The following HNRNPUL2 variants were observed in gnomAD, a reference collection of about 807,000 sequenced individuals.
The protein encoded by HNRNPUL2 is heterogeneous nuclear ribonucleoprotein U like 2.
A neutral mutation model predicts 102.2 loss-of-function variants in HNRNPUL2; 27 were observed. The observed-to-expected ratio is 0.26, with a 90% CI of 0.19 to 0.36. The LOEUF (loss-of-function observed/expected upper bound fraction) is 0.36. Ranked by LOEUF, HNRNPUL2 falls within the 10% of genes least tolerant of loss-of-function variation. The pLI is 1.00. For missense variants in HNRNPUL2, 936 were observed against 981.1 expected (o/e 0.95, Z 0.61); for synonymous variants, 458 against 387.2 (o/e 1.18, Z -2.15).
chr11:62,724,016 C>T, intron 2 of HNRNPUL2, 26 bp from the exon 3 acceptor site: 18 of 1,580,638 alleles, frequency 1.1e-5, no homozygotes, highest in Non-Finnish European at 1.6e-5. Flanking sequence ...AGAAAAGAAA[C>T]ACAATGTAAA....
Position 62,727,425 on chromosome 11 carries a change from C to T in HNRNPUL2, c.-269G>A, listed in dbSNP as rs1193225619. Reference sequence around the variant, plus strand: ...TGTTTCCCCTCCAGGCCCTTGGTTCCCCAGCCGCGGGCAGGCGCGCGCGGA... The same window carrying T: ...TGTTTCCCCTCCAGGCCCTTGGTTCTCCAGCCGCGGGCAGGCGCGCGCGGA... On this transcript the variant is annotated 5_prime_UTR_variant, in exon 1 of 14. Coordinates refer to ENST00000301785, the MANE Select transcript of HNRNPUL2 (RefSeq NM_001079559.3). 3.0e-6 allele frequency: 1 copy of T among 334,442 alleles called. No individual in the cohort carries two copies. Among genetic ancestry groups the T allele is most frequent in the East Asian group, 5.5e-5 (1 of 18,032 alleles). 20.7% of individuals were successfully genotyped at this position (334,442 alleles called of 1,614,324 possible). A position where few individuals can be genotyped will look rare whatever the true frequency, so the allele number is the denominator to read the frequency against.
rs199647392 is a variant in HNRNPUL2 at position 62,717,098 on chromosome 11, C to T, written c.1872G>A (p.Lys624=). 5.0e-6 allele frequency: 8 copies of T among 1,614,186 alleles called. No homozygotes were observed. The highest frequency in any genetic ancestry group is 1.6e-4 in the Middle Eastern group (1 of 6,062). Reference sequence around the variant, plus strand: ...GAAGCTTCCTTGCCTCCTCCTTGTACTTAGTGACAATGGGCTGAGCTTCCT... The same window carrying T: ...GAAGCTTCCTTGCCTCCTCCTTGTATTTAGTGACAATGGGCTGAGCTTCCT... ...EKEEAQPIVT[K]YKEEARKLLP... is the part of the protein sequence containing the mutation. The change falls in exon 11 of 14, where the codon AAG becomes AAA. Residue 624 remains lysine, a synonymous_variant. Transcript: ENST00000301785.
In HNRNPUL2 at chr11:62,720,107, C is replaced by T. The variant is rs772506887; in HGVS notation, c.1696G>A (p.Glu566Lys). Reference sequence around the variant, plus strand: ...TCCAGCCTCTTCTTCCAATCTTCCTCATTAGGGACAACCACCACCACTTTC... The same window carrying T: ...TCCAGCCTCTTCTTCCAATCTTCCTTATTAGGGACAACCACCACCACTTTC... The part of the protein sequence containing the change: ...SRKVVVVVPN[E>K]EDWKKRLELR... Residue 566 changes from glutamate to lysine, a missense_variant, in exon 10 of 14, where the codon GAG becomes AAG. Glu to Lys is a moderately conservative substitution (Grantham distance 56). Coordinates refer to ENST00000301785, the MANE Select transcript of HNRNPUL2 (RefSeq NM_001079559.3). 6.2e-7 allele frequency: 1 copy of T among 1,614,180 alleles called. No homozygotes were observed. Among genetic ancestry groups the T allele is most frequent in the Non-Finnish European group, 8.5e-7 (1 of 1,180,004 alleles).
chr11:62,718,864 T>C (rs886448598), intron 10 of HNRNPUL2, among the ~76,000 whole-genome samples: 5 of 151,854 alleles, frequency 3.3e-5, no homozygotes. Context: ...CTCACTCTGT[T>C]GTCCAGGCTG....
In HNRNPUL2 at chr11:62,726,681, T is replaced by G; in HGVS notation, c.476A>C (p.Glu159Ala). The G allele has an allele frequency of 6.2e-7, 1 of 1,600,054 alleles. No individual in the cohort carries two copies. Among genetic ancestry groups the G allele is most frequent in the Non-Finnish European group, 8.5e-7 (1 of 1,179,414 alleles). The change falls in exon 1 of 14, where the codon GAG becomes GCG. Residue 159 changes from glutamate (E) to alanine (A), a missense_variant. Glu to Ala is a moderately radical substitution (Grantham distance 107, BLOSUM62 -1). This residue lies in a region of HNRNPUL2 where 327 missense variants were observed against 268.1 expected (regional missense o/e 1.22). Transcript: ENST00000301785. ...TCCCGGCGTCTCGTCCCCGCTCCGCTCCTCGGGTTCGTCTTCCTCCCTCTT... is the reference window on the plus strand; with the variant it reads ...TCCCGGCGTCTCGTCCCCGCTCCGCGCCTCGGGTTCGTCTTCCTCCCTCTT... The part of the protein sequence containing the change: ...LGKREEDEPE[E>A]RSGDETPGSE...
chr11:62,727,249 T>G lies in HNRNPUL2; in HGVS notation c.-93A>C, dbSNP rs1028888271. 336 of 1,227,390 alleles carry G rather than the reference T, an allele frequency of 2.7e-4. No homozygotes were observed. Among genetic ancestry groups the G allele is most frequent in the African/African-American group, 3.3e-4 (21 of 63,020 alleles). 76.0% of individuals were successfully genotyped at this position (1,227,390 alleles called of 1,614,324 possible). A position where few individuals can be genotyped will look rare whatever the true frequency, so the allele number is the denominator to read the frequency against. On this transcript the variant is annotated 5_prime_UTR_variant, in exon 1 of 14. Coordinates refer to ENST00000301785, the MANE Select transcript of HNRNPUL2 (RefSeq NM_001079559.3). ...GCAGGCGCCGCCGCCGCCGCCCGCC[T>G]CCGCCTCACGCGCCAGCACTGAGCC...
intron 11 of HNRNPUL2, 91 bp downstream of exon 11, chr11:62,716,898 C>T (rs1176541390): frequency 7.5e-7 from 1 of 1,339,072 alleles, no homozygotes; most frequent in Non-Finnish European, 1.1e-6. Flanking sequence ...AATGACCTGA[C>T]TTGGTTTCCT....
In HNRNPUL2 at chr11:62,714,311, A is replaced by G. The variant is rs1362170040; in HGVS notation, c.*988T>C. On this transcript the variant is annotated 3_prime_UTR_variant, in exon 14 of 14. Coordinates refer to ENST00000301785, the MANE Select transcript of HNRNPUL2 (RefSeq NM_001079559.3). ...CTATATACATATCCCGCTGCAGTGAAAAGAATCCTGCTGTGTTTTCGTGTG... is the reference window on the plus strand; with the variant it reads ...CTATATACATATCCCGCTGCAGTGAGAAGAATCCTGCTGTGTTTTCGTGTG... 1 of 152,216 alleles carries G rather than the reference A, an allele frequency of 6.6e-6. No homozygotes were observed. The highest frequency in any genetic ancestry group is 2.4e-5 in the African/African-American group (1 of 41,448). The allele number at this position is 152,216 out of a possible 1,614,324, so 9.4% of individuals were successfully genotyped here. A position where few individuals can be genotyped will look rare whatever the true frequency, so the allele number is the denominator to read the frequency against.
intron 10 of HNRNPUL2, among the ~76,000 whole-genome samples, chr11:62,718,925 A>C (rs1206329822): frequency 2.0e-5 from 3 of 151,724 alleles, no homozygotes; most frequent in Non-Finnish European, 4.4e-5. Flanking sequence ...ACCTAGGTTC[A>C]AGCAATTCTC....
chr11:62,717,853 G>C (rs2083671821), intron 10 of HNRNPUL2, among the ~76,000 whole-genome samples: 1 of 152,216 alleles, frequency 6.6e-6, no homozygotes, highest in Non-Finnish European at 1.5e-5. Context: ...AAGGAGAAGA[G>C]AAGACAAGAG....
In HNRNPUL2 at chr11:62,726,642, C is replaced by A; in HGVS notation, c.515G>T (p.Gly172Val). The part of the protein sequence containing the change: ...GDETPGSEVP[G>V]DKAAEEQGDD... ...ACCCTGTTCCTCGGCGGCCTTGTCACCCGGCACCTCGGATCCCGGCGTCTC... is the reference window on the plus strand; with the variant it reads ...ACCCTGTTCCTCGGCGGCCTTGTCAACCGGCACCTCGGATCCCGGCGTCTC... The change falls in exon 1 of 14, where the codon GGT becomes GTT. Residue 172 changes from glycine (G) to valine (V), a missense_variant. Physicochemically the swap from Gly to Val is moderately radical, Grantham distance 109. This residue lies in a region of HNRNPUL2 where 327 missense variants were observed against 268.1 expected (regional missense o/e 1.22). Coordinates refer to ENST00000301785, the MANE Select transcript of HNRNPUL2 (RefSeq NM_001079559.3). 3 of 1,594,882 alleles carry A rather than the reference C, an allele frequency of 1.9e-6. No individual in the cohort carries two copies. The highest frequency in any genetic ancestry group is 2.5e-6 in the Non-Finnish European group (3 of 1,177,034).
Position 62,721,840 on chromosome 11 carries a change from T to C in HNRNPUL2, c.1462A>G (p.Thr488Ala). Residue 488 changes from threonine (T) to alanine (A), a missense_variant, in exon 8 of 14, where the codon ACT becomes GCT. Thr to Ala is a moderately conservative substitution (Grantham distance 58, BLOSUM62 0). Transcript: ENST00000301785. ...CTTACCCTCATTTGATTGAGCACAGTCTCAGCTCCCAGGACATTGTATCTT... is the reference window on the plus strand; with the variant it reads ...CTTACCCTCATTTGATTGAGCACAGCCTCAGCTCCCAGGACATTGTATCTT... ...EKRYNVLGAE[T>A]VLNQMRMKGL... The C allele has an allele frequency of 2.5e-6, 4 of 1,614,188 alleles. No homozygotes were observed. Among genetic ancestry groups the C allele is most frequent in the Non-Finnish European group, 3.4e-6 (4 of 1,180,018 alleles).
At chr11:62,723,432 G>A (rs555699400) in intron 4 of HNRNPUL2, among the ~76,000 whole-genome samples, 155 bp downstream of exon 4, 1 of 152,134 alleles carries the variant, frequency 6.6e-6, no homozygotes, top group Non-Finnish European at 1.5e-5. Context: ...CAGAGGCTGT[G>A]GTGAGCCGAG....
intron 9 of HNRNPUL2, among the ~76,000 whole-genome samples, chr11:62,720,500 C>T (rs377364641): frequency 3.4e-5 from 5 of 147,418 alleles, no homozygotes; most frequent in Non-Finnish European, 5.9e-5. Context: ...GCTGAGATCA[C>T]GCCACTGTAC....
intron 9 of HNRNPUL2, 45 bp from the exon 10 acceptor site, chr11:62,720,236 C>T (rs758932757): frequency 6.9e-6 from 11 of 1,585,722 alleles, no homozygotes; most frequent in South Asian, 2.2e-5. Context: ...AAAATTATCA[C>T]TCAGATTTAA....
Position 62,722,705 on chromosome 11 carries a change from C to T in HNRNPUL2, c.991G>A (p.Glu331Lys), listed in dbSNP as rs1407803214. The T allele has an allele frequency of 6.8e-6, 11 of 1,613,702 alleles. No homozygotes were observed. Among genetic ancestry groups the T allele is most frequent in the Non-Finnish European group, 9.3e-6 (11 of 1,179,592 alleles). Residue 331 changes from glutamate to lysine, a missense_variant, in exon 6 of 14, where the codon GAA becomes AAA. By Grantham distance (56) the Glu-to-Lys change is moderately conservative (BLOSUM62 1). Coordinates refer to ENST00000301785, the MANE Select transcript of HNRNPUL2 (RefSeq NM_001079559.3). ...CGTCCATCGAAACCGTAAGAGAATTCATCTTCACCTAGAACAGTCAACAAA... is the reference window on the plus strand; with the variant it reads ...CGTCCATCGAAACCGTAAGAGAATTTATCTTCACCTAGAACAGTCAACAAA... ...DFSRPQLGED[E>K]FSYGFDGRGL...
In HNRNPUL2 at chr11:62,722,682, T is replaced by C. The variant is rs779449692; in HGVS notation, c.1014A>G (p.Gly338=). 6.2e-7 allele frequency: 1 copy of C among 1,614,154 alleles called. No homozygotes were observed. Among genetic ancestry groups the C allele is most frequent in the Non-Finnish European group, 8.5e-7 (1 of 1,180,016 alleles). ...GTCCATTTTCTGCCTTGAGTCCTCG[T>C]CCATCGAAACCGTAAGAGAATTCAT... The part of the protein sequence containing the change: ...GEDEFSYGFD[G]RGLKAENGQF... Residue 338 remains glycine (G), a synonymous_variant, in exon 6 of 14, where the codon GGA becomes GGG. Transcript: ENST00000301785.
Position 62,727,389 on chromosome 11 carries a change from C to T in HNRNPUL2, c.-233G>A, listed in dbSNP as rs1228550732. ...TCGGCTCACGGAGCCCAAAACAACGCAGCAGGGAGCTGTTTCCCCTCCAGG... is the reference window on the plus strand; with the variant it reads ...TCGGCTCACGGAGCCCAAAACAACGTAGCAGGGAGCTGTTTCCCCTCCAGG... On this transcript the variant is annotated 5_prime_UTR_variant, in exon 1 of 14. Coordinates refer to ENST00000301785, the MANE Select transcript of HNRNPUL2 (RefSeq NM_001079559.3). 4.7e-6 allele frequency: 2 copies of T among 429,076 alleles called. No individual in the cohort carries two copies. The highest frequency in any genetic ancestry group is 9.3e-5 in the East Asian group (2 of 21,594). The allele number at this position is 429,076 out of a possible 1,614,324, so 26.6% of individuals were successfully genotyped here.
At chr11:62,717,452 C>T (rs1381826127) in intron 10 of HNRNPUL2, among the ~76,000 whole-genome samples, 1 of 152,180 alleles carries the variant, frequency 6.6e-6, no homozygotes, top group Non-Finnish European at 1.5e-5. Context: ...TAGGAGTGAA[C>T]TGGGTTAAAG....
Sources: gnomAD v4.1 joint callset for allele counts (sites outside exome capture counted in the v4.1 genomes callset) on GRCh38, gnomAD v4.1.1 for gene constraint, gnomAD v4.1.1 regional missense constraint, MANE v1.5 for transcripts, NCBI Gene and HGNC (gene_info 2026-07-23, HGNC 2026-07-21) for gene names.